ACAP2: variants seen among roughly 807,000 people sequenced by gnomAD.
ACAP2 encodes the protein arf-GAP with coiled-coil, ANK repeat and PH domain-containing protein 2.
Under a neutral mutation model 115.8 loss-of-function variants are expected in ACAP2, and 39 were observed. The ratio of observed to expected loss-of-function variants is 0.34; its 90% confidence interval spans 0.26 to 0.44. The LOEUF is 0.44. Among genes scored for constraint, ACAP2 ranks in the 20% least tolerant of loss-of-function variants. The pLI is 1.00. For missense variants in ACAP2, 662 were observed against 927.6 expected (o/e 0.71, Z 3.72); for synonymous variants, 289 against 315.8 (o/e 0.92, Z 0.90).
At chr3:195,356,011 C>T (rs1423117402) in intron 4 of ACAP2, 8 of 436,694 alleles carry the variant, frequency 1.8e-5, no homozygotes, top group African/African-American at 1.4e-4. Context: ...ATCTGACAAC[C>T]ACCTACACAA....
intron 15 of ACAP2, among the ~76,000 whole-genome samples, chr3:195,301,162 T>C (rs1021785604): frequency 5.9e-5 from 9 of 151,988 alleles, no homozygotes; most frequent in African/African-American, 2.2e-4. Context: ...CTCGGCTCAC[T>C]GCAAGCTCTG....
At position 195,386,298 on chromosome 3, in the gene ACAP2, A is replaced by G. The variant is rs559669040; in HGVS notation, c.112-4276T>C. Among the ~76,000 whole-genome samples the G allele has an allele frequency of 2.6e-5, 4 of 152,296 alleles. No homozygotes were observed. The South Asian group carries it at 6.2e-4, about 24-fold the overall frequency. ...TTTTTGGGGTGAAAAATATTTTGGA[A>G]TTAGATAGTGGTGATAGTTGTACAA... is the stretch of plus-strand genomic sequence containing the variant. On this transcript the variant is annotated intron_variant, in intron 2 of 22. Transcript: ENST00000326793.
chr3:195,390,497 T>C (rs1560318693), intron 2 of ACAP2, among the ~76,000 whole-genome samples: 1 of 152,206 alleles, frequency 6.6e-6, no homozygotes, highest in African/African-American at 2.4e-5. Flanking sequence ...ATTTATATTA[T>C]ATAAAGATGT....
At chr3:195,294,064 G>A (rs536059151) in intron 18 of ACAP2, among the ~76,000 whole-genome samples, 22 of 151,988 alleles carry the variant, frequency 1.4e-4, no homozygotes, top group African/African-American at 3.6e-4. Context: ...GCATGAACCC[G>A]GGAGGTGGGG....
intron 21 of ACAP2, among the ~76,000 whole-genome samples, chr3:195,286,936 C>T (rs555270868): frequency 2.6e-5 from 4 of 152,330 alleles, no homozygotes; most frequent in African/African-American, 9.6e-5. Flanking sequence ...TACTGTAAAT[C>T]TGTAATGATT....
At chr3:195,358,977 C>G (rs1560283874) in intron 4 of ACAP2, among the ~76,000 whole-genome samples, 2 of 152,104 alleles carry the variant, frequency 1.3e-5, no homozygotes, top group East Asian at 3.9e-4. Context: ...AAACATCTAG[C>G]AGTAAACTTT....
At chr3:195,334,570 A>G (rs773894609) in intron 7 of ACAP2, among the ~76,000 whole-genome samples, 8 of 152,174 alleles carry the variant, frequency 5.3e-5, no homozygotes, top group Non-Finnish European at 1.2e-4. Flanking sequence ...GACAAAGGAC[A>G]TATGAGGTAC....
At chr3:195,306,833 T>C (rs188587119) in intron 12 of ACAP2, 111 of 353,484 alleles carry the variant, frequency 3.1e-4, no homozygotes, top group Middle Eastern at 2.4e-3. Context: ...TAAAAACAAA[T>C]AACCCATCAC....
chr3:195,350,194 CA>C (rs1419935575), intron 4 of ACAP2, among the ~76,000 whole-genome samples: 2 of 152,030 alleles, frequency 1.3e-5, no homozygotes, highest in African/African-American at 4.8e-5. Flanking sequence ...AATTCCACTC[CA>C]AATCTCAGTA....
intron 4 of ACAP2, among the ~76,000 whole-genome samples, chr3:195,373,880 AC>A (rs770625287): frequency 1.6e-4 from 25 of 152,236 alleles, no homozygotes; most frequent in East Asian, 1.2e-3. Flanking sequence ...AACCGAGATC[AC>A]GCCATTGCAC....
chr3:195,286,650 A>G (rs759663181), intron 21 of ACAP2, among the ~76,000 whole-genome samples: 1 of 152,208 alleles, frequency 6.6e-6, no homozygotes, highest in Non-Finnish European at 1.5e-5. Flanking sequence ...AAAGTTCCAC[A>G]ATTCCCTTTA....
chr3:195,368,038 T>C (rs1461343284), intron 4 of ACAP2, among the ~76,000 whole-genome samples: 2 of 152,202 alleles, frequency 1.3e-5, no homozygotes, highest in African/African-American at 4.8e-5. Context: ...TGTTTATAAG[T>C]TTTTATAGTG....
chr3:195,282,623 G>A (rs1204807049), intron 22 of ACAP2: 1 of 152,014 alleles, frequency 6.6e-6, no homozygotes, highest in African/African-American at 2.4e-5. Flanking sequence ...TGTCTACATT[G>A]GAACACATAA....
intron 1 of ACAP2, among the ~76,000 whole-genome samples, chr3:195,433,962 CTA>C (rs1288629161): frequency 6.6e-6 from 1 of 152,074 alleles, no homozygotes; most frequent in Non-Finnish European, 1.5e-5. Context: ...CTAGGTCTCA[CTA>C]TGTCACACAG....
chr3:195,278,608 T>TG lies in ACAP2; in HGVS notation c.*719_*720insC. 1 of 142,572 alleles carries TG rather than the reference T, an allele frequency of 7.0e-6. No individual in the cohort carries two copies. Among genetic ancestry groups the TG allele is most frequent in the African/African-American group, 2.6e-5 (1 of 37,906 alleles). The allele number at this position is 142,572 out of a possible 1,614,324, so 8.8% of individuals were successfully genotyped here. On this transcript the variant is annotated 3_prime_UTR_variant, in exon 23 of 23. Coordinates refer to ENST00000326793, the MANE Select transcript of ACAP2 (RefSeq NM_012287.6). ...AAGAACTACACATTTTGAACTGGGG[T>TG]TTTTTTTTGTGATTAAAAAAAAAAA...
intron 2 of ACAP2, among the ~76,000 whole-genome samples, chr3:195,388,397 T>C (rs1053923513): frequency 6.6e-6 from 1 of 152,194 alleles, no homozygotes; most frequent in African/African-American, 2.4e-5. Flanking sequence ...ACAGAACACC[T>C]GGCAAGAATG....
intron 9 of ACAP2, among the ~76,000 whole-genome samples, chr3:195,322,051 C>A (rs1485898666): frequency 6.6e-6 from 1 of 152,194 alleles, no homozygotes; most frequent in Non-Finnish European, 1.5e-5. Context: ...TGAAATCACT[C>A]ATAGTCTTCT....
At chr3:195,389,964 G>A (rs1734552318) in intron 2 of ACAP2, among the ~76,000 whole-genome samples, 1 of 152,206 alleles carries the variant, frequency 6.6e-6, no homozygotes, top group African/African-American at 2.4e-5. Context: ...GGGAGGCCGA[G>A]GCGGGCGGAT....
At chr3:195,312,286 C>A (rs1483566621) in intron 10 of ACAP2, among the ~76,000 whole-genome samples, 1 of 152,080 alleles carries the variant, frequency 6.6e-6, no homozygotes, top group African/African-American at 2.4e-5. Context: ...TGCTCCTTTA[C>A]TTCAATTTAT....
Sources: allele counts gnomAD v4.1 joint callset (sites outside exome capture counted in the v4.1 genomes callset), GRCh38; gene constraint gnomAD v4.1.1; transcripts MANE v1.5; gene names NCBI Gene and HGNC (gene_info 2026-07-23, HGNC 2026-07-21).